The following ADAMTSL1 variants were observed in gnomAD, a reference collection of about 807,000 sequenced individuals.
ADAMTSL1 encodes the protein ADAMTS like 1, also known as ADAMTS-like protein 1.
ADAMTSL1 carries 126 observed loss-of-function variants against 201.8 expected under a neutral mutation model. The observed-to-expected ratio is 0.62, with a 90% CI of 0.54 to 0.72. The LOEUF is 0.72. ADAMTSL1 is among the 30% of genes least tolerant of loss of function. The probability of loss-of-function intolerance (pLI) is 0.00; values close to 1 mark genes in which losing one functional copy is unlikely to be tolerated. For missense variants in ADAMTSL1, 2,679 were observed against 2,277.8 expected (o/e 1.18, Z -3.59); for synonymous variants, 1,121 against 903.4 (o/e 1.24, Z -4.32).
At chr9:18,805,105 G>A (rs191649576) in intron 20 of ADAMTSL1, among the ~76,000 whole-genome samples, 2 of 152,228 alleles carry the variant, frequency 1.3e-5, no homozygotes, top group African/African-American at 2.4e-5. Flanking sequence ...TCTAATGGGG[G>A]TCACCCAGGG....
At chr9:18,182,735 T>A (rs1828554984) in intron 2 of ADAMTSL1, among the ~76,000 whole-genome samples, 1 of 152,220 alleles carries the variant, frequency 6.6e-6, no homozygotes, top group African/African-American at 2.4e-5. Flanking sequence ...AGAAATAATC[T>A]TATGAGAAAA....
At chr9:17,914,396 T>C (rs1333946648) in intron 1 of ADAMTSL1, among the ~76,000 whole-genome samples, 1 of 152,142 alleles carries the variant, frequency 6.6e-6, no homozygotes, top group African/African-American at 2.4e-5. Context: ...TGATCCAGCA[T>C]ATAAACAGAA....
chr9:18,131,469 A>G (rs2131966175), intron 1 of ADAMTSL1, among the ~76,000 whole-genome samples: 1 of 152,250 alleles, frequency 6.6e-6, no homozygotes, highest in Admixed American at 6.5e-5. Flanking sequence ...CTTAGAGATG[A>G]TTAGTCTCGT....
At chr9:18,642,900 A>T (rs912352191) in intron 7 of ADAMTSL1, among the ~76,000 whole-genome samples, 4 of 152,004 alleles carry the variant, frequency 2.6e-5, no homozygotes, top group Non-Finnish European at 1.5e-5. Context: ...GAGAGTGTAG[A>T]TATCTCTTCA....
intron 23 of ADAMTSL1, among the ~76,000 whole-genome samples, chr9:18,875,789 T>A (rs1828108762): frequency 6.6e-6 from 1 of 152,106 alleles, no homozygotes; most frequent in Non-Finnish European, 1.5e-5. Flanking sequence ...ATAGTTTAAG[T>A]TTATTGTTTC....
At chr9:18,852,618 A>G (rs1349951715) in intron 23 of ADAMTSL1, among the ~76,000 whole-genome samples, 8 of 152,180 alleles carry the variant, frequency 5.3e-5, no homozygotes, top group African/African-American at 1.9e-4. Flanking sequence ...ATATCAGCCT[A>G]TCTCCGAAAA....
chr9:18,497,995 C>G (rs1822617431), intron 1 of ADAMTSL1, among the ~76,000 whole-genome samples: 1 of 152,056 alleles, frequency 6.6e-6, no homozygotes, highest in African/African-American at 2.4e-5. Context: ...ATTGTTGTCC[C>G]AGGACGAGAA....
intron 1 of ADAMTSL1, among the ~76,000 whole-genome samples, chr9:18,141,222 G>A (rs988125294): frequency 1.4e-4 from 22 of 152,146 alleles, no homozygotes; most frequent in African/African-American, 5.3e-4. Flanking sequence ...GCTCAATAGT[G>A]CTGAGCTCAG....
At position 18,777,238 on chromosome 9, in the gene ADAMTSL1, C is replaced by T. The variant is rs1453653067; in HGVS notation, c.3009C>T (p.Ser1003=). The T allele has an allele frequency of 6.2e-7, 1 of 1,612,600 alleles. No homozygotes were observed. The highest frequency in any genetic ancestry group is 1.7e-5 in the Admixed American group (1 of 60,018). Residue 1003 remains serine (S), a synonymous_variant, in exon 19 of 29, where the codon TCC becomes TCT. Coordinates refer to ENST00000380548, the MANE Select transcript of ADAMTSL1 (RefSeq NM_001040272.6). Reference sequence around the variant, plus strand: ...ACAAACACCAGAACGGGATCTTCTCCAACGGCAGCAAGGCGGAGAAGCGGG... The same window carrying T: ...ACAAACACCAGAACGGGATCTTCTCTAACGGCAGCAAGGCGGAGAAGCGGG... ...QTHKHQNGIF[S]NGSKAEKRGL...
At chr9:18,833,272 G>A (rs990912966) in intron 23 of ADAMTSL1, among the ~76,000 whole-genome samples, 5 of 152,148 alleles carry the variant, frequency 3.3e-5, no homozygotes, top group African/African-American at 1.2e-4. Flanking sequence ...GGTCTTTGAG[G>A]AATTGACCAC....
At chr9:18,776,641 C>T (rs925026790) in intron 18 of ADAMTSL1, 140 bp from the exon 19 acceptor site, 10 of 1,018,146 alleles carry the variant, frequency 9.8e-6, no homozygotes, top group Non-Finnish European at 1.2e-5. Context: ...ACTTTCTCTC[C>T]CGTCCTCCGG....
chr9:18,063,087 G>A (rs1822532845), intron 1 of ADAMTSL1, among the ~76,000 whole-genome samples: 1 of 152,270 alleles, frequency 6.6e-6, no homozygotes, highest in South Asian at 2.1e-4. Flanking sequence ...CTGGTGAATT[G>A]GGAGGCTGAA....
In ADAMTSL1 at chr9:17,950,022, G is replaced by C. The variant is rs538748015; in HGVS notation, c.87+43100G>C. On this transcript the variant is annotated intron_variant, in intron 1 of 29. Coordinates refer to the ADAMTSL1 transcript ENST00000680146. ...CAACCTCTGTCTCCCGGGTTCAAGT[G>C]ATTCTCGTGCTTCAGCCTTTGAAGT... Among the ~76,000 whole-genome samples, 6 of 152,148 alleles carry C rather than the reference G, an allele frequency of 3.9e-5. No individual in the cohort carries two copies. In the East Asian group the frequency reaches 9.7e-4, roughly 25 times the overall value.
At chr9:18,016,263 C>T (rs182140299) in intron 1 of ADAMTSL1, among the ~76,000 whole-genome samples, 27 of 152,132 alleles carry the variant, frequency 1.8e-4, no homozygotes, top group Middle Eastern at 6.8e-3. Context: ...GTACCCAGCT[C>T]CTAGCTGTCC....
At chr9:18,305,042 G>GCAGC (rs755667688) in intron 2 of ADAMTSL1, among the ~76,000 whole-genome samples, 1 of 152,138 alleles carries the variant, frequency 6.6e-6, no homozygotes, top group Non-Finnish European at 1.5e-5. Context: ...GACAGTGGGT[G>GCAGC]CAGCCCATGG....
chr9:18,163,045 G>C (rs1043629941), intron 1 of ADAMTSL1, among the ~76,000 whole-genome samples: 1 of 151,988 alleles, frequency 6.6e-6, no homozygotes, highest in Non-Finnish European at 1.5e-5. Context: ...GAGGAGGCCT[G>C]GGTGAACTGA....
chr9:18,855,986 T>A (rs1286886019), intron 23 of ADAMTSL1, among the ~76,000 whole-genome samples: 1 of 152,186 alleles, frequency 6.6e-6, no homozygotes, highest in African/African-American at 2.4e-5. Flanking sequence ...AAACTGCACC[T>A]CCTCTTAATT....
chr9:18,503,883 C>A (rs756034588), intron 1 of ADAMTSL1, among the ~76,000 whole-genome samples: 1 of 151,992 alleles, frequency 6.6e-6, no homozygotes, highest in Non-Finnish European at 1.5e-5. Flanking sequence ...GATAAAGGAT[C>A]CCATTACTAC....
intron 1 of ADAMTSL1, among the ~76,000 whole-genome samples, chr9:17,997,383 TTGTTG>T (rs1333523492): frequency 6.6e-5 from 10 of 152,092 alleles, no homozygotes; most frequent in African/African-American, 2.2e-4. Context: ...TGATGAAGAA[TTGTTG>T]TGTTGTATAT....
Sources: gnomAD v4.1 joint callset for allele counts (sites outside exome capture counted in the v4.1 genomes callset) on GRCh38, gnomAD v4.1.1 for gene constraint, MANE v1.5 for transcripts, NCBI Gene and HGNC (gene_info 2026-07-23, HGNC 2026-07-21) for gene names.